FARP2: variants seen among roughly 807,000 people sequenced by gnomAD.
The protein encoded by FARP2 is FERM, ARHGEF and pleckstrin domain-containing protein 2.
In FARP2, 111 loss-of-function variants were observed where a neutral mutation model predicts 130.5. The ratio of observed to expected loss-of-function variants is 0.85; its 90% confidence interval spans 0.73 to 1.00. FARP2 has a LOEUF of 1.00. FARP2 is among the 50% of genes least tolerant of loss of function. The pLI is 0.00. For synonymous variants in FARP2, 504 were observed against 516.9 expected (o/e 0.98, Z 0.34); for missense variants, 1,385 against 1,346.3 (o/e 1.03, Z -0.45).
intron 11 of FARP2, among the ~76,000 whole-genome samples, chr2:241,435,260 A>AGTTTTTTTT (rs1200814064): frequency 1.4e-5 from 2 of 147,958 alleles, no homozygotes; most frequent in African/African-American, 2.5e-5. Flanking sequence ...TCCCCTGGCT[A>AGTTTTTTTT]GTTTTTTTTG....
At chr2:241,379,607 A>G (rs2061615926) in intron 2 of FARP2, among the ~76,000 whole-genome samples, 1 of 152,246 alleles carries the variant, frequency 6.6e-6, no homozygotes, top group South Asian at 2.1e-4. Flanking sequence ...CTATTCCAGT[A>G]AAAACTTAAT....
intron 1 of FARP2, among the ~76,000 whole-genome samples, chr2:241,371,888 G>T (rs1208221152): frequency 6.6e-6 from 1 of 151,916 alleles, no homozygotes; most frequent in Non-Finnish European, 1.5e-5. Flanking sequence ...AATTTTAGCT[G>T]ATACTTAATA....
In FARP2 at chr2:241,420,806, A is replaced by G. The variant is rs538524341; in HGVS notation, c.771+2697A>G. Among the ~76,000 whole-genome samples, 94 of 152,228 alleles carry G rather than the reference A, an allele frequency of 6.2e-4. 1 individual carries two copies. Among genetic ancestry groups the G allele is most frequent in the Middle Eastern group, 3.4e-3 (1 of 294 alleles). ...ACCCCAGCAGACCCTGGGCTCCACA[A>G]TTTCATCTCCATCATCCACAGAGTT... On this transcript the variant is annotated intron_variant, in intron 8 of 26. Coordinates refer to ENST00000264042, the MANE Select transcript of FARP2 (RefSeq NM_014808.4).
At chr2:241,435,657 G>A (rs1233297689) in intron 11 of FARP2, among the ~76,000 whole-genome samples, 3 of 149,716 alleles carry the variant, frequency 2.0e-5, no homozygotes, top group African/African-American at 4.9e-5. Context: ...GACTGCAGGC[G>A]CCTGCCACCA....
At chr2:241,391,636 C>A (rs1317321877) in intron 2 of FARP2, among the ~76,000 whole-genome samples, 1 of 152,178 alleles carries the variant, frequency 6.6e-6, no homozygotes, top group African/African-American at 2.4e-5. Context: ...AGGCAGCTAG[C>A]AGAATAGACG....
chr2:241,391,387 GTGTGTCCTTCTTGA>G (rs1258790379), intron 2 of FARP2, among the ~76,000 whole-genome samples: 1 of 152,232 alleles, frequency 6.6e-6, no homozygotes, highest in Non-Finnish European at 1.5e-5. Context: ...TCACCTTGGG[GTGTGTCCTTCTTGA>G]TGTGCCCTTG....
At chr2:241,474,801 T>TAATAATA (rs1553733954) in intron 18 of FARP2, among the ~76,000 whole-genome samples, 52 of 140,326 alleles carry the variant, frequency 3.7e-4, no homozygotes, top group Middle Eastern at 3.6e-3. Context: ...CTAATAATAA[T>TAATAATA]AATAAATAAA....
intron 2 of FARP2, among the ~76,000 whole-genome samples, chr2:241,392,368 T>C (rs1490408589): frequency 6.6e-6 from 1 of 151,928 alleles, no homozygotes; most frequent in East Asian, 1.9e-4. Context: ...TAAAGAAGGG[T>C]GGGTTTGGAA....
intron 2 of FARP2, among the ~76,000 whole-genome samples, chr2:241,389,392 G>C (rs2061857061): frequency 6.6e-6 from 1 of 152,216 alleles, no homozygotes; most frequent in Non-Finnish European, 1.5e-5. Context: ...CTTGTGAATA[G>C]AAGAAAATGG....
rs1451271794 is a variant in FARP2 at position 241,482,224 on chromosome 2, A to G, written c.2263-1241A>G. ...CCTAGGGCTGGGGAACAAATTTGAC[A>G]GCTTGGTCAAAGGCCCACGGTGCTG... On this transcript the variant is annotated intron_variant, in intron 19 of 26. Coordinates refer to ENST00000264042, the MANE Select transcript of FARP2 (RefSeq NM_014808.4). The surrounding 1 kb of genome is among the most constrained non-coding windows in gnomAD (Gnocchi z 4.6). Among the ~76,000 whole-genome samples the G allele has an allele frequency of 1.3e-5, 2 of 152,226 alleles. No homozygotes were observed. Among genetic ancestry groups the G allele is most frequent in the Non-Finnish European group, 2.9e-5 (2 of 68,044 alleles).
intron 14 of FARP2, among the ~76,000 whole-genome samples, chr2:241,457,205 T>C (rs2063870420): frequency 6.6e-6 from 1 of 152,224 alleles, no homozygotes; most frequent in Non-Finnish European, 1.5e-5. Context: ...ACAGGCTCCA[T>C]GTGTCAGGCT....
chr2:241,440,501 T>C lies in FARP2; in HGVS notation c.1159-803T>C, dbSNP rs1025125314. Among the ~76,000 whole-genome samples, 8 of 152,098 alleles carry C rather than the reference T, an allele frequency of 5.3e-5. 1 individual carries two copies. The highest frequency in any genetic ancestry group is 1.9e-4 in the African/African-American group (8 of 41,408). On this transcript the variant is annotated intron_variant, in intron 12 of 26. Coordinates refer to ENST00000264042, the MANE Select transcript of FARP2 (RefSeq NM_014808.4). ...TTTCCTCATCCTGCTTGGGAGCTGCTTCTCCCTCAGACTTGTGGCCACTCC... is the reference window on the plus strand; with the variant it reads ...TTTCCTCATCCTGCTTGGGAGCTGCCTCTCCCTCAGACTTGTGGCCACTCC...
In FARP2 at chr2:241,366,092, T is replaced by TA. The variant is rs201202290; in HGVS notation, c.-24-6979dup. On this transcript the variant is annotated intron_variant, in intron 1 of 26. Transcript: ENST00000264042. ...TAACCTAGTGAGACCTCATCACTACTAAAAAAAAAAAAATATATATATATA... is the reference window on the plus strand; with the variant it reads ...TAACCTAGTGAGACCTCATCACTACTAAAAAAAAAAAAAATATATATATATA... Among the ~76,000 whole-genome samples the TA allele has an allele frequency of 2.8e-4, 21 of 73,892 alleles. No individual in the cohort carries two copies. In the East Asian group the frequency reaches 3.2e-3, roughly 11 times the overall value. The allele number at this position is 73,892 out of a possible 152,430, so 48.5% of individuals were successfully genotyped here.
chr2:241,396,356 C>T (rs2062027272), intron 2 of FARP2, among the ~76,000 whole-genome samples: 1 of 152,142 alleles, frequency 6.6e-6, no homozygotes, highest in East Asian at 1.9e-4. Context: ...AACTAAAGAG[C>T]TTCTGCACAG....
At chr2:241,437,670 A>T (rs149972670) in intron 12 of FARP2, among the ~76,000 whole-genome samples, 18,421 of 131,950 alleles carry the variant, frequency 0.14, 1,589 homozygotes, top group Admixed American at 0.24. Context: ...TTATTTATTT[A>T]TTTTTTTTTT....
chr2:241,459,927 A>C lies in FARP2; in HGVS notation c.1588-2596A>C, dbSNP rs1357843404. On this transcript the variant is annotated intron_variant, in intron 14 of 26. Coordinates refer to ENST00000264042, the MANE Select transcript of FARP2 (RefSeq NM_014808.4). The surrounding 1 kb of genome is among the most constrained non-coding windows in gnomAD (Gnocchi z 5.3). ...GGCACCTGTGATGAGAAGTCTCATC[A>C]GCGACTGCTGTGGCTCTCTGATGGC... 6.6e-6 allele frequency among the ~76,000 whole-genome samples: 1 copy of C among 152,160 alleles called. No individual in the cohort carries two copies. The highest frequency in any genetic ancestry group is 2.4e-5 in the African/African-American group (1 of 41,432).
At chr2:241,441,098 TG>T (rs1165602312) in intron 12 of FARP2, among the ~76,000 whole-genome samples, 2 of 152,222 alleles carry the variant, frequency 1.3e-5, no homozygotes, top group Non-Finnish European at 2.9e-5. Context: ...TGTAAGGGTT[TG>T]TAAACAGACG....
At chr2:241,374,845 A>G (rs1030834707) in intron 2 of FARP2, among the ~76,000 whole-genome samples, 2 of 152,198 alleles carry the variant, frequency 1.3e-5, no homozygotes, top group African/African-American at 4.8e-5. Flanking sequence ...AAGCTGGGCA[A>G]CCTTTGAACC....
At chr2:241,434,852 G>A (rs975007364) in intron 10 of FARP2, 110 bp from the exon 11 acceptor site, 5 of 727,362 alleles carry the variant, frequency 6.9e-6, no homozygotes, top group Non-Finnish European at 1.2e-5. Context: ...TAAAATATAT[G>A]TGTGTATATT....
Sources: allele counts gnomAD v4.1 joint callset (sites outside exome capture counted in the v4.1 genomes callset), GRCh38; gene constraint gnomAD v4.1.1; non-coding constraint Gnocchi (gnomAD v3.1); transcripts MANE v1.5; gene names NCBI Gene and HGNC (gene_info 2026-07-23, HGNC 2026-07-21).